The following NRF1 variants were observed in gnomAD, a reference collection of about 807,000 sequenced individuals.
NRF1 encodes the protein alpha palindromic-binding protein.
In NRF1, 5 loss-of-function variants were observed where a neutral mutation model predicts 58.5. The observed-to-expected ratio is 0.09, with a 90% confidence interval of 0.04 to 0.18. The LOEUF (loss-of-function observed/expected upper bound fraction) is 0.18, where lower values mean the gene tolerates loss of function less well. Among genes scored for constraint, NRF1 ranks in the 10% least tolerant of loss-of-function variants. The pLI, the probability that NRF1 is intolerant of heterozygous loss-of-function variation, is 1.00. For synonymous variants in NRF1, 224 were observed against 246.7 expected, an observed-to-expected ratio of 0.91 and a Z score of 0.86; for missense variants, 288 against 657.7, an observed-to-expected ratio of 0.44 and a Z score of 6.15.
intron 4 of NRF1, among the ~76,000 whole-genome samples, chr7:129,689,737 G>A (rs1802521801): frequency 1.3e-5 from 2 of 152,234 alleles, no homozygotes; most frequent in African/African-American, 4.8e-5. Flanking sequence ...AGAGCTAAAG[G>A]CGTCATGGGT....
chr7:129,755,034 T>C lies in NRF1; in HGVS notation c.1365T>C (p.Pro455=), dbSNP rs1377710996. The change falls in exon 11 of 11, where the codon CCT becomes CCC. Residue 455 remains proline (P), a synonymous_variant. Transcript: ENST00000393232. The surrounding 1 kb of genome is among the most constrained non-coding windows in gnomAD (Gnocchi z 5.8). ...VQDANGLVQI[P]VSMYQTVVTS... ...TCTCTCCAGGCCTGGTCCAGATCCCTGTGAGCATGTACCAGACTGTGGTGA... is the reference window on the plus strand; with the variant it reads ...TCTCTCCAGGCCTGGTCCAGATCCCCGTGAGCATGTACCAGACTGTGGTGA... 2.5e-6 allele frequency: 4 copies of C among 1,611,540 alleles called. No individual in the cohort carries two copies. The highest frequency in any genetic ancestry group is 8.5e-7 in the Non-Finnish European group (1 of 1,179,132).
chr7:129,613,646 C>G (rs1053089008), intron 1 of NRF1, among the ~76,000 whole-genome samples: 1 of 151,944 alleles, frequency 6.6e-6, no homozygotes, highest in Non-Finnish European at 1.5e-5. Context: ...ACCTGTAATC[C>G]CAGCACTTTG....
At chr7:129,699,858 G>T (rs1216268982) in intron 5 of NRF1, among the ~76,000 whole-genome samples, 1 of 151,956 alleles carries the variant, frequency 6.6e-6, no homozygotes. Context: ...TCTAGAAATA[G>T]GCCGGGCGCA....
chr7:129,650,951 G>A (rs1028674176), intron 1 of NRF1, among the ~76,000 whole-genome samples: 5 of 152,092 alleles, frequency 3.3e-5, no homozygotes, highest in South Asian at 2.1e-4. Flanking sequence ...GGAGAGTGGG[G>A]TCTGATGATG....
At chr7:129,651,775 T>C (rs184682979) in intron 1 of NRF1, among the ~76,000 whole-genome samples, 28 of 152,344 alleles carry the variant, frequency 1.8e-4, no homozygotes, top group Admixed American at 1.6e-3. Context: ...TTGTGTGACT[T>C]AGTGTGTTAA....
chr7:129,655,497 G>A (rs775543710), intron 1 of NRF1, among the ~76,000 whole-genome samples: 126 of 148,438 alleles, frequency 8.5e-4, no homozygotes, highest in Non-Finnish European at 1.6e-3. Context: ...GTGGTGAGAG[G>A]AGATTTCCTT....
intron 6 of NRF1, among the ~76,000 whole-genome samples, chr7:129,709,458 C>T (rs897891053): frequency 2.6e-5 from 4 of 152,116 alleles, no homozygotes; most frequent in Non-Finnish European, 5.9e-5. Context: ...AATGTGTCTT[C>T]GGGGTTGCCT....
intron 1 of NRF1, among the ~76,000 whole-genome samples, chr7:129,643,540 G>T (rs1801340479): frequency 6.6e-6 from 1 of 152,208 alleles, no homozygotes; most frequent in African/African-American, 2.4e-5. Context: ...CATGCCAGCT[G>T]CATTCTGACC....
intron 10 of NRF1, 113 bp from the exon 11 acceptor site, chr7:129,754,905 C>G: frequency 9.4e-7 from 1 of 1,060,288 alleles, no homozygotes; most frequent in Non-Finnish European, 1.3e-6. Flanking sequence ...TATGTGATCA[C>G]CTGAGGCTGG....
intron 1 of NRF1, among the ~76,000 whole-genome samples, chr7:129,644,512 G>A (rs1403364863): frequency 6.6e-6 from 1 of 152,120 alleles, no homozygotes; most frequent in African/African-American, 2.4e-5. Flanking sequence ...GAACTGCACT[G>A]TTCAATATAG....
chr7:129,690,551 G>A lies in NRF1; in HGVS notation c.606+5G>A. On this transcript the variant is annotated splice_donor_5th_base_variant and intron_variant, in intron 5 of 10. Coordinates refer to ENST00000393232, the MANE Select transcript of NRF1 (RefSeq NM_005011.5). ...TCTGTGGACAAAATGACCCAGGTGA[G>A]GGGTGGGAGGTGAGGAGGAGACTCA... 1 of 1,614,106 alleles carries A rather than the reference G, an allele frequency of 6.2e-7. No homozygotes were observed. The highest frequency in any genetic ancestry group is 8.5e-7 in the Non-Finnish European group (1 of 1,179,972).
chr7:129,732,138 C>T (rs1803595225), intron 10 of NRF1, among the ~76,000 whole-genome samples: 1 of 152,164 alleles, frequency 6.6e-6, no homozygotes, highest in African/African-American at 2.4e-5. Flanking sequence ...TCACCTCTCA[C>T]CCAGACCTTA....
chr7:129,755,219 TCAAAA>T lies in NRF1; in HGVS notation c.*39_*43del. The stretch of plus-strand genomic sequence containing the variant: ...TTATGGCATCGTTTTCTAGTCTACT[TCAAAA>T]TTTTTTACACGTTTGCAGAGGTGCA... On this transcript the variant is annotated 3_prime_UTR_variant, in exon 11 of 11. Coordinates refer to ENST00000393232, the MANE Select transcript of NRF1 (RefSeq NM_005011.5). This position sits in a 1 kb window ranked among gnomAD's most constrained non-coding sequence, Gnocchi z 5.8. The T allele has an allele frequency of 6.6e-7, 1 of 1,512,314 alleles. No homozygotes were observed. The highest frequency in any genetic ancestry group is 8.9e-7 in the Non-Finnish European group (1 of 1,126,282). 93.7% of individuals were successfully genotyped at this position (1,512,314 alleles called of 1,614,324 possible). A position where few individuals can be genotyped will look rare whatever the true frequency, so the allele number is the denominator to read the frequency against.
intron 2 of NRF1, among the ~76,000 whole-genome samples, chr7:129,663,374 GGGT>G (rs1230605990): frequency 6.4e-4 from 94 of 146,410 alleles, no homozygotes; most frequent in African/African-American, 2.2e-3. Flanking sequence ...TTCCCAGACG[GGGT>G]GGTGGCCGGA....
chr7:129,675,631 G>A (rs1325693405), intron 3 of NRF1, among the ~76,000 whole-genome samples: 2 of 152,184 alleles, frequency 1.3e-5, no homozygotes, highest in Non-Finnish European at 1.5e-5. Context: ...GGGTGACTAG[G>A]TGCATTGTCA....
At chr7:129,660,160 A>T (rs1049247164) in intron 2 of NRF1, among the ~76,000 whole-genome samples, 2 of 152,202 alleles carry the variant, frequency 1.3e-5, no homozygotes, top group Admixed American at 1.3e-4. Context: ...CAAGAACAGC[A>T]TGGGAAAGAT....
chr7:129,707,575 A>G (rs1402207604), intron 5 of NRF1, among the ~76,000 whole-genome samples: 3 of 152,232 alleles, frequency 2.0e-5, no homozygotes, highest in Non-Finnish European at 2.9e-5. Context: ...ATTAGAATAA[A>G]GGGAAAAATG....
chr7:129,703,742 T>TTTA (rs1424311562), intron 5 of NRF1, among the ~76,000 whole-genome samples: 2 of 152,226 alleles, frequency 1.3e-5, no homozygotes, highest in African/African-American at 4.8e-5. Context: ...AATTAGCATT[T>TTTA]TTAAAAGCTA....
At chr7:129,736,482 C>G (rs1007664448) in intron 10 of NRF1, among the ~76,000 whole-genome samples, 1 of 151,950 alleles carries the variant, frequency 6.6e-6, no homozygotes, top group South Asian at 2.1e-4. Flanking sequence ...GTCTCGAACT[C>G]CTGACCTCAA....
Sources: gnomAD v4.1 joint callset for allele counts (sites outside exome capture counted in the v4.1 genomes callset) on GRCh38, gnomAD v4.1.1 for gene constraint, Gnocchi (gnomAD v3.1) non-coding constraint, MANE v1.5 for transcripts, NCBI Gene and HGNC (gene_info 2026-07-23, HGNC 2026-07-21) for gene names.